CASTOR2: variants seen among roughly 807,000 people sequenced by gnomAD.
The protein encoded by CASTOR2 is GATS protein like 2.
CASTOR2 carries 8 observed loss-of-function variants against 31.2 expected under a neutral mutation model. The observed-to-expected ratio is 0.26, with a 90% CI of 0.15 to 0.46. The LOEUF is 0.46. CASTOR2 is among the 20% of genes least tolerant of loss of function. The pLI, the probability that CASTOR2 is intolerant of heterozygous loss-of-function variation, is 0.99. For missense variants in CASTOR2, 216 were observed against 382.1 expected, an observed-to-expected ratio of 0.57 and a Z score of 3.62; for synonymous variants, 162 against 158.7, an observed-to-expected ratio of 1.02 and a Z score of -0.16.
intron 1 of CASTOR2, among the ~76,000 whole-genome samples, chr7:75,005,993 G>A (rs1292823795): frequency 6.6e-6 from 1 of 152,182 alleles, no homozygotes; most frequent in Non-Finnish European, 1.5e-5. Context: ...AGCCAGATGT[G>A]GTGGTGGGCG....
chr7:75,031,114 A>T lies in CASTOR2; in HGVS notation c.*6415A>T, dbSNP rs2131965924. Among the ~76,000 whole-genome samples, 1 of 152,312 alleles carries T rather than the reference A, an allele frequency of 6.6e-6. No homozygotes were observed. The highest frequency in any genetic ancestry group is 1.5e-5 in the Non-Finnish European group (1 of 68,014). ...TTCCCTCTAAAAGAGTAGGGAGCTG[A>T]TAACAGTCCCAAGCCCTCCTCTTTC... On this transcript the variant is annotated 3_prime_UTR_variant, in exon 9 of 9. Transcript: ENST00000616305.
At chr7:75,020,794 T>A (rs1414451776) in intron 6 of CASTOR2, among the ~76,000 whole-genome samples, 6 of 151,310 alleles carry the variant, frequency 4.0e-5, no homozygotes, top group African/African-American at 1.2e-4. Flanking sequence ...CAGCCTGATT[T>A]TTTTTATTTT....
At chr7:75,007,853 C>A (rs1422369459) in intron 1 of CASTOR2, 141 bp from the exon 2 acceptor site, 8 of 1,087,574 alleles carry the variant, frequency 7.4e-6, no homozygotes, top group Non-Finnish European at 1.1e-5. Flanking sequence ...GAGAGATAAA[C>A]AACTTACCCG....
intron 1 of CASTOR2, among the ~76,000 whole-genome samples, chr7:75,005,056 A>C (rs1554438652): frequency 6.9e-6 from 1 of 145,842 alleles, no homozygotes; most frequent in Non-Finnish European, 1.5e-5. Flanking sequence ...TTGTAGAGAC[A>C]GGGTTTCACC....
chr7:74,986,781 C>G (rs1326962103), intron 1 of CASTOR2, among the ~76,000 whole-genome samples: 1 of 152,202 alleles, frequency 6.6e-6, no homozygotes, highest in Non-Finnish European at 1.5e-5. Context: ...TGCAGTGGCT[C>G]ACGCCTGTCA....
chr7:75,009,204 C>T (rs1384357115), intron 2 of CASTOR2, among the ~76,000 whole-genome samples: 1 of 150,592 alleles, frequency 6.6e-6, no homozygotes, highest in African/African-American at 2.4e-5. Flanking sequence ...GATCCACCCG[C>T]CTCGTCCTCC....
chr7:75,017,977 T>C lies in CASTOR2; in HGVS notation c.379-13T>C, dbSNP rs1315786906. 2 of 1,614,078 alleles carry C rather than the reference T, an allele frequency of 1.2e-6. No individual in the cohort carries two copies. Among genetic ancestry groups the C allele is most frequent in the Non-Finnish European group, 1.7e-6 (2 of 1,180,044 alleles). On this transcript the variant is annotated splice_polypyrimidine_tract_variant and intron_variant, in intron 3 of 8. Coordinates refer to ENST00000616305, the MANE Select transcript of CASTOR2 (RefSeq NM_001145064.3). ...GCCACCAGGCACACACGGCCTCAAC[T>C]TCTTGCCCCTAGGTGCGCGAGCGGG... is the stretch of plus-strand genomic sequence containing the variant.
intron 1 of CASTOR2, among the ~76,000 whole-genome samples, chr7:74,972,449 A>G (rs1212186374): frequency 6.6e-6 from 1 of 151,188 alleles, no homozygotes. Context: ...TGCCCATGAA[A>G]TGCTGTTATC....
chr7:75,016,075 A>C lies in CASTOR2; in HGVS notation c.185-1523A>C, dbSNP rs1472159271. Among the ~76,000 whole-genome samples the C allele has an allele frequency of 3.3e-5, 5 of 152,196 alleles. No individual in the cohort carries two copies. In the South Asian group the frequency reaches 8.3e-4, roughly 25 times the overall value. ...AGTGAGGCTCCATCTCAAAAAAAAA[A>C]ATCCTGCCTCCTTGTGGGATGCAGT... On this transcript the variant is annotated intron_variant, in intron 2 of 8. Transcript: ENST00000616305.
At position 75,027,935 on chromosome 7, in the gene CASTOR2, C is replaced by T; in HGVS notation, c.*3236C>T. 1.5e-6 allele frequency: 2 copies of T among 1,343,684 alleles called. No homozygotes were observed. The highest frequency in any genetic ancestry group is 2.1e-6 in the Non-Finnish European group (2 of 973,800). 83.2% of individuals were successfully genotyped at this position (1,343,684 alleles called of 1,614,324 possible). A position where few individuals can be genotyped will look rare whatever the true frequency, so the allele number is the denominator to read the frequency against. On this transcript the variant is annotated 3_prime_UTR_variant, in exon 9 of 9. Coordinates refer to ENST00000616305, the MANE Select transcript of CASTOR2 (RefSeq NM_001145064.3). ...CTGGGTGGGAGGGTCTCTCCAGGCCCCAGACCCCACTTGGAGGGGCATGTG... is the reference window on the plus strand; with the variant it reads ...CTGGGTGGGAGGGTCTCTCCAGGCCTCAGACCCCACTTGGAGGGGCATGTG...
chr7:74,994,697 C>T (rs1398624738), intron 1 of CASTOR2, among the ~76,000 whole-genome samples: 2 of 151,850 alleles, frequency 1.3e-5, no homozygotes, highest in African/African-American at 4.8e-5. Flanking sequence ...TTGCGGTGAG[C>T]CGAGATTGTG....
chr7:74,986,198 G>C (rs1804061596), intron 1 of CASTOR2, among the ~76,000 whole-genome samples: 1 of 151,184 alleles, frequency 6.6e-6, no homozygotes, highest in Non-Finnish European at 1.5e-5. Flanking sequence ...CCAAAGTGCT[G>C]GGATGACAGG....
At chr7:74,980,787 G>A (rs1291471832) in intron 1 of CASTOR2, among the ~76,000 whole-genome samples, 1,627 of 91,596 alleles carry the variant, frequency 0.018, 40 homozygotes, top group Non-Finnish European at 0.023. Flanking sequence ...TGGCAGGAGG[G>A]GAGGGGTCTA....
At chr7:75,006,799 A>G (rs1232991745) in intron 1 of CASTOR2, among the ~76,000 whole-genome samples, 21 of 152,126 alleles carry the variant, frequency 1.4e-4, no homozygotes, top group East Asian at 3.9e-4. Flanking sequence ...CATGTAAGAC[A>G]TGCCTTAGCT....
In CASTOR2 at chr7:75,029,362, C is replaced by CTTT. The variant is rs1177516960; in HGVS notation, c.*4680_*4682dup. On this transcript the variant is annotated 3_prime_UTR_variant, in exon 9 of 9. Coordinates refer to ENST00000616305, the MANE Select transcript of CASTOR2 (RefSeq NM_001145064.3). Reference sequence around the variant, plus strand: ...CACCTCAGCCCTGCAATGGGGGGATCTTTTTTTTTTTTTTTTTTTGAGACA... The same window carrying CTTT: ...CACCTCAGCCCTGCAATGGGGGGATCTTTTTTTTTTTTTTTTTTTTTTGAGACA... Among the ~76,000 whole-genome samples the CTTT allele has an allele frequency of 3.2e-5, 4 of 126,194 alleles. No homozygotes were observed. The highest frequency in any genetic ancestry group is 1.6e-4 in the Admixed American group (2 of 12,302). 82.8% of individuals were successfully genotyped at this position (126,194 alleles called of 152,430 possible). A position where few individuals can be genotyped will look rare whatever the true frequency, so the allele number is the denominator to read the frequency against.
chr7:74,991,456 G>A (rs1409953312), intron 1 of CASTOR2, among the ~76,000 whole-genome samples: 5 of 150,786 alleles, frequency 3.3e-5, no homozygotes, highest in African/African-American at 1.2e-4. Context: ...GCCAGGAGCA[G>A]CCCCTGGCAC....
chr7:74,993,387 T>C (rs1253038661), intron 1 of CASTOR2, among the ~76,000 whole-genome samples: 2 of 151,508 alleles, frequency 1.3e-5, no homozygotes, highest in Non-Finnish European at 1.5e-5. Context: ...GACTTGATTC[T>C]GGGCTTCTCC....
chr7:74,999,056 C>T (rs1463119438), intron 1 of CASTOR2, among the ~76,000 whole-genome samples: 3 of 151,928 alleles, frequency 2.0e-5, no homozygotes, highest in South Asian at 2.1e-4. Flanking sequence ...GGTGCAGTGG[C>T]GCGATCTCAG....
intron 2 of CASTOR2, among the ~76,000 whole-genome samples, chr7:75,015,190 G>A (rs1156764200): frequency 3.9e-5 from 6 of 152,228 alleles, no homozygotes; most frequent in African/African-American, 1.4e-4. Flanking sequence ...CCTGCCAGCA[G>A]AGCCCAGCTC....
Sources: gnomAD v4.1 joint callset for allele counts (sites outside exome capture counted in the v4.1 genomes callset) on GRCh38, gnomAD v4.1.1 for gene constraint, MANE v1.5 for transcripts, NCBI Gene and HGNC (gene_info 2026-07-23, HGNC 2026-07-21) for gene names.